The following PRKG1 variants were observed in gnomAD, a reference collection of about 807,000 sequenced individuals.
The protein encoded by PRKG1 is protein kinase cGMP-dependent 1.
In PRKG1, 35 loss-of-function variants were observed where a neutral mutation model predicts 88.1. That is an observed-to-expected ratio of 0.40 (90% confidence interval 0.30 to 0.53). The LOEUF (loss-of-function observed/expected upper bound fraction) is 0.53. PRKG1 is among the 20% of genes least tolerant of loss of function. The pLI is 0.59. For synonymous variants in PRKG1, 303 were observed against 292.5 expected, an observed-to-expected ratio of 1.04 and a Z score of -0.37; for missense variants, 540 against 839.8, an observed-to-expected ratio of 0.64 and a Z score of 4.41.
At position 51,534,811 on chromosome 10, in the gene PRKG1, T is replaced by A. The variant is rs116285493; in HGVS notation, c.592+66975T>A. ...GTAGTGAAGAAGTGAATAACTAATT[T>A]TATCTAGGAGGATTGGTGAAATATA... is the stretch of plus-strand genomic sequence containing the variant. On this transcript the variant is annotated intron_variant, in intron 3 of 17. Coordinates refer to ENST00000373980, the MANE Select transcript of PRKG1 (RefSeq NM_006258.4). Among the ~76,000 whole-genome samples, 755 of 152,254 alleles carry A rather than the reference T, an allele frequency of 5.0e-3. 7 individuals are homozygous for A. Among genetic ancestry groups the A allele is most frequent in the African/African-American group, 0.017 (709 of 41,540 alleles).
intron 2 of PRKG1, among the ~76,000 whole-genome samples, chr10:51,348,496 A>C (rs1236465695): frequency 1.3e-5 from 2 of 152,198 alleles, no homozygotes; most frequent in Non-Finnish European, 2.9e-5. Flanking sequence ...CTTCTCCATC[A>C]AGAGTGGATC....
intron 3 of PRKG1, among the ~76,000 whole-genome samples, chr10:51,673,427 C>T (rs1840632805): frequency 6.6e-6 from 1 of 151,988 alleles, no homozygotes; most frequent in African/African-American, 2.4e-5. Context: ...GAGATGGGAG[C>T]TGTTTGAAGA....
At chr10:51,649,604 T>C (rs1023016396) in intron 3 of PRKG1, among the ~76,000 whole-genome samples, 2 of 152,158 alleles carry the variant, frequency 1.3e-5, no homozygotes, top group African/African-American at 2.4e-5. Flanking sequence ...TTGCCCAGGT[T>C]CTTGGTGTTT....
At chr10:51,510,764 GAC>G (rs1841371946) in intron 3 of PRKG1, among the ~76,000 whole-genome samples, 1 of 136,066 alleles carries the variant, frequency 7.3e-6, no homozygotes, top group Non-Finnish European at 1.5e-5. Context: ...TTTTTTTTGA[GAC>G]AGAGTCTTGC....
chr10:51,403,614 G>T (rs1044364114), intron 2 of PRKG1, among the ~76,000 whole-genome samples: 2 of 152,112 alleles, frequency 1.3e-5, no homozygotes, highest in African/African-American at 4.8e-5. Context: ...AAGTAATAGA[G>T]CCAAGATGTG....
In PRKG1 at chr10:51,843,025, T is replaced by A. The variant is rs571295433; in HGVS notation, c.698+38335T>A. Among the ~76,000 whole-genome samples the A allele has an allele frequency of 2.6e-4, 40 of 151,106 alleles. 1 individual carries two copies. The South Asian group carries it at 8.3e-3, about 32-fold the overall frequency. ...GTCATTATGAATATAGTACAGATCA[T>A]CACTAAATAACCTATAGATGTAAAT... is the stretch of plus-strand genomic sequence containing the variant. On this transcript the variant is annotated intron_variant, in intron 4 of 17. Coordinates refer to ENST00000373980, the MANE Select transcript of PRKG1 (RefSeq NM_006258.4).
Position 51,730,721 on chromosome 10 carries a change from G to A in PRKG1, c.593-73864G>A, listed in dbSNP as rs114059107. ...TCTATGTAACCCCAGTTTGGACGAA[G>A]ATAAAGTGAGTTAAACCTTCCTGCA... On this transcript the variant is annotated intron_variant, in intron 3 of 17. Coordinates refer to ENST00000373980, the MANE Select transcript of PRKG1 (RefSeq NM_006258.4). 7.4e-3 allele frequency among the ~76,000 whole-genome samples: 1,125 copies of A among 152,336 alleles called. 12 individuals carry two copies. The highest frequency in any genetic ancestry group is 0.026 in the African/African-American group (1,069 of 41,578).
In PRKG1 at chr10:51,970,500, A is replaced by G. The variant is rs114210679; in HGVS notation, c.762+62930A>G. Among the ~76,000 whole-genome samples the G allele has an allele frequency of 7.2e-3, 1,088 of 151,488 alleles. 18 individuals are homozygous for G. The highest frequency in any genetic ancestry group is 0.025 in the African/African-American group (1,042 of 41,464). ...TTGTTTTATAAGAAATTTCGAACAG[A>G]TAAAAAGAAAATAAATTGTATTATG... is the stretch of plus-strand genomic sequence containing the variant. On this transcript the variant is annotated intron_variant, in intron 5 of 17. Transcript: ENST00000373980.
chr10:51,337,959 T>C (rs1841917791), intron 2 of PRKG1, among the ~76,000 whole-genome samples: 2 of 152,208 alleles, frequency 1.3e-5, no homozygotes, highest in Admixed American at 6.5e-5. Context: ...TATATGTTCA[T>C]TGCAGAACTA....
intron 3 of PRKG1, among the ~76,000 whole-genome samples, chr10:51,679,298 CTCTT>C (rs377590577): frequency 3.9e-5 from 6 of 151,954 alleles, no homozygotes; most frequent in Non-Finnish European, 8.8e-5. Context: ...CTCTGTTTTC[CTCTT>C]TCTTTCTTTC....
chr10:51,440,143 A>C (rs1839058813), intron 2 of PRKG1, among the ~76,000 whole-genome samples: 1 of 151,910 alleles, frequency 6.6e-6, no homozygotes, highest in African/African-American at 2.4e-5. Flanking sequence ...TTTGACGTTG[A>C]GTATGATACT....
intron 3 of PRKG1, among the ~76,000 whole-genome samples, chr10:51,779,675 A>G (rs1030039955): frequency 6.6e-6 from 1 of 152,092 alleles, no homozygotes; most frequent in Non-Finnish European, 1.5e-5. Flanking sequence ...CACCTAGCCC[A>G]TTTAGCTCTG....
chr10:51,148,702 A>C (rs1845996566), intron 1 of PRKG1, among the ~76,000 whole-genome samples: 2 of 152,184 alleles, frequency 1.3e-5, no homozygotes, highest in Non-Finnish European at 2.9e-5. Flanking sequence ...TAAATTCCAA[A>C]TAAATGTAAG....
chr10:51,708,204 C>T lies in PRKG1; in HGVS notation c.593-96381C>T, dbSNP rs117726823. ...CTCTCCTTGGCTTGCAAATGGCTGC[C>T]TCCTCAGTGTCCTCGCGTCACCTGC... On this transcript the variant is annotated intron_variant, in intron 3 of 17. Transcript: ENST00000373980. 1.5e-3 allele frequency among the ~76,000 whole-genome samples: 235 copies of T among 152,268 alleles called. 6 individuals are homozygous for T. In the East Asian group the frequency reaches 0.037, roughly 24 times the overall value.
chr10:51,637,465 A>G (rs1056650062), intron 3 of PRKG1, among the ~76,000 whole-genome samples: 2 of 152,242 alleles, frequency 1.3e-5, no homozygotes, highest in Non-Finnish European at 2.9e-5. Flanking sequence ...AGATACGCAT[A>G]TGTATGCGTT....
intron 3 of PRKG1, among the ~76,000 whole-genome samples, chr10:51,547,742 C>T (rs1842475205): frequency 6.6e-6 from 1 of 152,076 alleles, no homozygotes; most frequent in Non-Finnish European, 1.5e-5. Flanking sequence ...CTGCCAATTT[C>T]TATAGGTCCC....
intron 9 of PRKG1, among the ~76,000 whole-genome samples, chr10:52,200,040 T>G (rs1396782992): frequency 3.3e-5 from 5 of 152,198 alleles, no homozygotes; most frequent in Non-Finnish European, 7.3e-5. Context: ...ATCCTCATTT[T>G]CTTGTTTTTG....
At chr10:51,529,882 A>G (rs955483301) in intron 3 of PRKG1, among the ~76,000 whole-genome samples, 2 of 152,228 alleles carry the variant, frequency 1.3e-5, no homozygotes, top group Admixed American at 6.5e-5. Flanking sequence ...TCACTTTATA[A>G]TTCCAATCTA....
intron 4 of PRKG1, among the ~76,000 whole-genome samples, chr10:51,855,265 C>G (rs1840651538): frequency 6.6e-6 from 1 of 152,184 alleles, no homozygotes; most frequent in African/African-American, 2.4e-5. Context: ...TCCCCTGTCA[C>G]TCATCTGGTC....
Sources: allele counts gnomAD v4.1 joint callset (sites outside exome capture counted in the v4.1 genomes callset), GRCh38; gene constraint gnomAD v4.1.1; transcripts MANE v1.5; gene names NCBI Gene and HGNC (gene_info 2026-07-23, HGNC 2026-07-21).